Variants in SEL1L3 observed in about 807,000 individuals in gnomAD.
The protein encoded by SEL1L3 is SEL1L family member 3.
SEL1L3 carries 76 observed loss-of-function variants against 142.8 expected under a neutral mutation model. The ratio of observed to expected loss-of-function variants is 0.53; its 90% CI spans 0.44 to 0.64. The LOEUF is 0.64. SEL1L3 is among the 30% of genes least tolerant of loss of function. The pLI is 0.00. For missense variants in SEL1L3, 1,262 were observed against 1,381.7 expected (o/e 0.91, Z 1.37); for synonymous variants, 504 against 519.6 (o/e 0.97, Z 0.41).
the SEL1L3 span, among the ~76,000 whole-genome samples, chr4:25,741,085 A>G: frequency 1.3e-5 from 2 of 148,340 alleles, no homozygotes; most frequent in Non-Finnish European, 3.0e-5. Context: ...GCACCTGGCC[A>G]TATTACCTAT....
At chr4:25,795,638 A>T (rs1712682957) in intron 11 of SEL1L3, among the ~76,000 whole-genome samples, 1 of 152,218 alleles carries the variant, frequency 6.6e-6, no homozygotes. Flanking sequence ...ACAGCCAGTG[A>T]GTAGCAGACC....
chr4:25,804,682 G>A lies in SEL1L3; in HGVS notation c.1635C>T (p.Leu545=). ...TTTGGTGAAGACCATCAATGCTAGA[G>A]AGTCTCTTTACAGCCTTCTCAAATA... The part of the protein sequence containing the change: ...GKIFEKAVKR[L]SSIDGLHQIS... The change falls in exon 10 of 24, where the codon CTC becomes CTT. Residue 545 remains leucine (L), a synonymous_variant. Transcript: ENST00000399878. The A allele has an allele frequency of 6.2e-7, 1 of 1,613,700 alleles. No individual in the cohort carries two copies. Among genetic ancestry groups the A allele is most frequent in the South Asian group, 1.1e-5 (1 of 91,076 alleles).
chr4:25,842,395 G>C (rs1478814561), intron 2 of SEL1L3, among the ~76,000 whole-genome samples: 1 of 152,008 alleles, frequency 6.6e-6, no homozygotes, highest in East Asian at 1.9e-4. Flanking sequence ...AGGGGGAGTC[G>C]GGGCGGAACA....
chr4:25,758,895 A>G (rs753695426), intron 21 of SEL1L3, 46 bp downstream of exon 21: 68 of 1,567,134 alleles, frequency 4.3e-5, no homozygotes, highest in Non-Finnish European at 5.6e-5. Flanking sequence ...AACATCATCT[A>G]CTTGGGTTCC....
chr4:25,833,221 C>T, intron 4 of SEL1L3, 111 bp from the exon 5 acceptor site: 1 of 745,854 alleles, frequency 1.3e-6, no homozygotes, highest in Admixed American at 2.5e-5. Context: ...TCCACGAAAA[C>T]AAAGCAAAAC....
rs116181872 is a variant in SEL1L3, at chr4:25,771,344, G to A, written c.2670-3514C>T. On this transcript the variant is annotated intron_variant, in intron 17 of 23. Coordinates refer to ENST00000399878, the MANE Select transcript of SEL1L3 (RefSeq NM_015187.5). ...GAGGGGAATGGGTGCAGAGAGGAAG[G>A]GATTGAGAGAAAAGAAAGAATTTAA... Among the ~76,000 whole-genome samples, 761 of 152,212 alleles carry A rather than the reference G, an allele frequency of 5.0e-3. 5 individuals are homozygous for A. Among genetic ancestry groups the A allele is most frequent in the African/African-American group, 0.017 (714 of 41,526 alleles).
chr4:25,754,688 A>G lies in SEL1L3; in HGVS notation c.3259+2846T>C, dbSNP rs919938381. ...TGTGGGCATCATCTAGGAGCTTGCT[A>G]GAAATGCCAAATCTCAGGGCTTACC... On this transcript the variant is annotated intron_variant, in intron 23 of 23. Coordinates refer to ENST00000399878, the MANE Select transcript of SEL1L3 (RefSeq NM_015187.5). 2.0e-5 allele frequency among the ~76,000 whole-genome samples: 3 copies of G among 152,220 alleles called. No homozygotes were observed. In the South Asian group the frequency reaches 6.2e-4, roughly 32 times the overall value.
At chr4:25,793,154 T>C (rs1577612337) in intron 11 of SEL1L3, among the ~76,000 whole-genome samples, 1 of 152,300 alleles carries the variant, frequency 6.6e-6, no homozygotes, top group South Asian at 2.1e-4. Flanking sequence ...CATCAGATAG[T>C]TCTTCAAATT....
the SEL1L3 span, among the ~76,000 whole-genome samples, chr4:25,734,811 C>A: frequency 3.3e-5 from 5 of 151,804 alleles, no homozygotes; most frequent in Admixed American, 2.0e-4. Context: ...TCAGGTGATC[C>A]GCCCGCCTCA....
chr4:25,810,308 C>T (rs964308258), intron 9 of SEL1L3, among the ~76,000 whole-genome samples: 1 of 152,174 alleles, frequency 6.6e-6, no homozygotes, highest in Non-Finnish European at 1.5e-5. Context: ...CTGTTCAGTG[C>T]CTTTGTGTCC....
chr4:25,767,163 G>A (rs1226103803), intron 19 of SEL1L3, among the ~76,000 whole-genome samples: 1 of 151,980 alleles, frequency 6.6e-6, no homozygotes, highest in Non-Finnish European at 1.5e-5. Context: ...GCGTGGTCGT[G>A]GGCACCTGAA....
intron 17 of SEL1L3, 117 bp downstream of exon 17, chr4:25,776,160 T>C (rs545133376): frequency 3.9e-4 from 249 of 637,738 alleles, no homozygotes; most frequent in Admixed American, 8.8e-4. Flanking sequence ...ATATCATTAC[T>C]GGGAGCTGTG....
At chr4:25,803,411 C>T (rs1713326206) in intron 10 of SEL1L3, among the ~76,000 whole-genome samples, 3 of 152,230 alleles carry the variant, frequency 2.0e-5, no homozygotes, top group African/African-American at 7.2e-5. Context: ...TTGGGCACAT[C>T]TCAACAGTCT....
intron 1 of SEL1L3, among the ~76,000 whole-genome samples, chr4:25,851,050 G>A (rs993014565): frequency 2.0e-5 from 3 of 151,790 alleles, no homozygotes; most frequent in Admixed American, 1.3e-4. Context: ...GGGGTTTCAC[G>A]ATGTTGGCCA....
At chr4:25,716,002 C>A in the SEL1L3 span, among the ~76,000 whole-genome samples, 3 of 152,050 alleles carry the variant, frequency 2.0e-5, no homozygotes, top group Non-Finnish European at 4.4e-5. Context: ...GTGCTGTATG[C>A]ATTATCTTTC....
At chr4:25,728,251 C>T in the SEL1L3 span, among the ~76,000 whole-genome samples, 2 of 152,152 alleles carry the variant, frequency 1.3e-5, no homozygotes, top group Non-Finnish European at 2.9e-5. Flanking sequence ...TTTCTTGACC[C>T]ATGGAGAAAT....
chr4:25,820,975 G>C (rs1442204604), intron 7 of SEL1L3, among the ~76,000 whole-genome samples: 2 of 152,058 alleles, frequency 1.3e-5, no homozygotes, highest in Admixed American at 6.6e-5. Context: ...TGATCCGCCT[G>C]CCTCGGCCTC....
chr4:25,730,220 G>A, the SEL1L3 span, among the ~76,000 whole-genome samples: 4,968 of 152,084 alleles, frequency 0.033, 115 homozygotes, highest in Middle Eastern at 0.065. Context: ...CACCGAGCCC[G>A]GCTACTGAAT....
At chr4:25,800,319 TC>T (rs1560311532) in intron 11 of SEL1L3, among the ~76,000 whole-genome samples, 1 of 152,224 alleles carries the variant, frequency 6.6e-6, no homozygotes, top group African/African-American at 2.4e-5. Flanking sequence ...AATTACCCAT[TC>T]TTAAGAAAAT....
Sources: allele counts gnomAD v4.1 joint callset (sites outside exome capture counted in the v4.1 genomes callset), GRCh38; gene constraint gnomAD v4.1.1; transcripts MANE v1.5; gene names NCBI Gene and HGNC (gene_info 2026-07-23, HGNC 2026-07-21).